UNC13C: variants seen among roughly 807,000 people sequenced by gnomAD.
UNC13C encodes the protein unc-13 homolog C.
In UNC13C, 174 loss-of-function variants were observed where a neutral mutation model predicts 245.4. That is an observed-to-expected ratio of 0.71 (90% CI 0.63 to 0.80). The LOEUF (loss-of-function observed/expected upper bound fraction) is 0.80, where lower values mean the gene tolerates loss of function less well. UNC13C is among the 30% of genes least tolerant of loss of function. UNC13C has a pLI of 0.00. For missense variants in UNC13C, 2,829 were observed against 2,602.9 expected (o/e 1.09, Z -1.89); for synonymous variants, 992 against 895.1 (o/e 1.11, Z -1.93).
At position 54,228,976 on chromosome 15, in the gene UNC13C, C is replaced by G. The variant is rs141121034; in HGVS notation, c.3072-6054C>G. 2.1e-3 allele frequency among the ~76,000 whole-genome samples: 323 copies of G among 152,292 alleles called. 4 individuals are homozygous for G. The highest frequency in any genetic ancestry group is 7.6e-3 in the African/African-American group (316 of 41,566). ...TTCAAGTTTATTTAGGACCCAACAG[C>G]ATTGTAGCCTTTTAGTGGTGAGGCT... On this transcript the variant is annotated intron_variant, in intron 4 of 32. Transcript: ENST00000260323.
In UNC13C at chr15:54,123,176, T is replaced by G. The variant is rs145352688; in HGVS notation, c.2984-19842T>G. ...TCATGGTATCTTATGGTTTCAAATT[T>G]CATTACCCCAAGACTAATGATATTG... On this transcript the variant is annotated intron_variant, in intron 2 of 32. Transcript: ENST00000260323. Among the ~76,000 whole-genome samples the G allele has an allele frequency of 3.0e-3, 452 of 152,068 alleles. 4 individuals are homozygous for G. Among genetic ancestry groups the G allele is most frequent in the African/African-American group, 0.01 (431 of 41,544 alleles).
At chr15:54,121,687 A>G (rs1009299601) in intron 2 of UNC13C, among the ~76,000 whole-genome samples, 1 of 152,044 alleles carries the variant, frequency 6.6e-6, no homozygotes, top group Non-Finnish European at 1.5e-5. Flanking sequence ...CTTTCAAAAA[A>G]ATCTTATCGT....
intron 17 of UNC13C, among the ~76,000 whole-genome samples, chr15:54,390,174 A>G (rs1465096129): frequency 6.6e-6 from 1 of 152,210 alleles, no homozygotes; most frequent in Non-Finnish European, 1.5e-5. Context: ...AGTATTGTAT[A>G]AGTTCCACTA....
intron 7 of UNC13C, among the ~76,000 whole-genome samples, chr15:54,248,474 T>C (rs917158371): frequency 4.6e-5 from 7 of 152,192 alleles, no homozygotes; most frequent in African/African-American, 1.7e-4. Flanking sequence ...GAGGCAAAGG[T>C]GAATAATACA....
chr15:53,976,598 A>G (rs1893715967), upstream of UNC13C, among the ~76,000 whole-genome samples: 1 of 150,168 alleles, frequency 6.7e-6, no homozygotes. Flanking sequence ...CAGCCTCCTG[A>G]GTAGCTGGGA....
At chr15:54,320,236 G>A (rs181706520) in intron 13 of UNC13C, among the ~76,000 whole-genome samples, 17 of 152,028 alleles carry the variant, frequency 1.1e-4, no homozygotes, top group African/African-American at 3.6e-4. Context: ...TGACATTTCA[G>A]GAACCAAAAT....
chr15:54,119,803 T>A (rs1176908188), intron 2 of UNC13C, among the ~76,000 whole-genome samples: 1 of 152,104 alleles, frequency 6.6e-6, no homozygotes, highest in African/African-American at 2.4e-5. Context: ...TTATTGCTCA[T>A]ATAAAGAAAG....
chr15:54,555,766 C>A (rs1260723157), intron 29 of UNC13C, among the ~76,000 whole-genome samples: 2 of 152,138 alleles, frequency 1.3e-5, no homozygotes, highest in East Asian at 3.9e-4. Context: ...AATAGACTGT[C>A]CTTATACTTG....
intron 19 of UNC13C, among the ~76,000 whole-genome samples, chr15:54,436,191 C>G (rs145460613): frequency 5.3e-4 from 80 of 152,044 alleles, no homozygotes; most frequent in African/African-American, 1.9e-3. Context: ...CCTCAAGGAT[C>G]TAGAACTAGA....
intron 2 of UNC13C, among the ~76,000 whole-genome samples, chr15:54,081,462 G>T (rs993581787): frequency 1.3e-5 from 2 of 151,814 alleles, no homozygotes; most frequent in African/African-American, 2.4e-5. Context: ...TGTGAATCTT[G>T]GTACTCTGAT....
rs34935386 is a variant in UNC13C at position 54,089,487 on chromosome 15, A to C, written c.2984-53531A>C. 7.6e-3 allele frequency among the ~76,000 whole-genome samples: 1,160 copies of C among 152,230 alleles called. 4 individuals carry two copies. Among genetic ancestry groups the C allele is most frequent in the Non-Finnish European group, 0.013 (853 of 68,012 alleles). On this transcript the variant is annotated intron_variant, in intron 2 of 32. Coordinates refer to ENST00000260323, the MANE Select transcript of UNC13C (RefSeq NM_001080534.3). ...GCAGTATTCAGGCTGTATCCTCTTCAAGGTTAGAGGAGAAAACCTGTGAGT... is the reference window on the plus strand; with the variant it reads ...GCAGTATTCAGGCTGTATCCTCTTCCAGGTTAGAGGAGAAAACCTGTGAGT...
intron 10 of UNC13C, among the ~76,000 whole-genome samples, chr15:54,292,140 C>A (rs576539765): frequency 6.6e-6 from 1 of 152,092 alleles, no homozygotes; most frequent in South Asian, 2.1e-4. Context: ...TTAACAGCAA[C>A]AACAAAACCT....
intron 19 of UNC13C, among the ~76,000 whole-genome samples, chr15:54,435,448 A>G (rs2040962373): frequency 6.6e-6 from 1 of 152,040 alleles, no homozygotes; most frequent in African/African-American, 2.4e-5. Context: ...GACACTGGAA[A>G]CTATCATTCT....
chr15:53,854,890 TG>T, the UNC13C span, among the ~76,000 whole-genome samples: 2 of 152,180 alleles, frequency 1.3e-5, no homozygotes, highest in Non-Finnish European at 2.9e-5. Flanking sequence ...TTGGGTAGTA[TG>T]GCCATTTTAA....
At chr15:54,352,674 T>C (rs762327491) in intron 17 of UNC13C, among the ~76,000 whole-genome samples, 12 of 152,078 alleles carry the variant, frequency 7.9e-5, no homozygotes, top group Non-Finnish European at 1.5e-4. Context: ...TAATCTCTGA[T>C]AGATGGCTAG....
Position 54,084,069 on chromosome 15 carries a change from C to A in UNC13C, c.2984-58949C>A, listed in dbSNP as rs1422856000. ...CAGATTGCCACAGAGGTGAGGGGAG[C>A]AGAGAGGACTCCCACTACCCTTTCT... On this transcript the variant is annotated intron_variant, in intron 2 of 32. Coordinates refer to ENST00000260323, the MANE Select transcript of UNC13C (RefSeq NM_001080534.3). Among the ~76,000 whole-genome samples, 6 of 152,186 alleles carry A rather than the reference C, an allele frequency of 3.9e-5. No homozygotes were observed. In the East Asian group the frequency reaches 5.8e-4, roughly 15 times the overall value.
rs193284994 is a variant in UNC13C at position 54,140,256 on chromosome 15, A to G, written c.2984-2762A>G. Among the ~76,000 whole-genome samples the G allele has an allele frequency of 2.0e-5, 3 of 152,316 alleles. No individual in the cohort carries two copies. The East Asian group carries it at 5.8e-4, about 29-fold the overall frequency. ...TGTTAGATTATAATTCATCTTCACT[A>G]TATAGAAAAATGAAATAATATTTTC... On this transcript the variant is annotated intron_variant, in intron 2 of 32. Coordinates refer to ENST00000260323, the MANE Select transcript of UNC13C (RefSeq NM_001080534.3).
At chr15:54,475,577 A>G (rs12911011) in intron 19 of UNC13C, among the ~76,000 whole-genome samples, 66,103 of 150,408 alleles carry the variant, frequency 0.44, 14,778 homozygotes, top group East Asian at 0.71. Flanking sequence ...TTGTCCCTGC[A>G]AAAGTTTACT....
chr15:53,882,790 C>A, the UNC13C span, among the ~76,000 whole-genome samples: 1 of 152,054 alleles, frequency 6.6e-6, no homozygotes, highest in East Asian at 1.9e-4. Flanking sequence ...AATAGTTAAA[C>A]AGCCTTTGGA....
Sources: gnomAD v4.1 joint callset for allele counts (sites outside exome capture counted in the v4.1 genomes callset) on GRCh38, gnomAD v4.1.1 for gene constraint, MANE v1.5 for transcripts, NCBI Gene and HGNC (gene_info 2026-07-23, HGNC 2026-07-21) for gene names.